GRM5: variants seen among roughly 807,000 people sequenced by gnomAD.
The protein encoded by GRM5 is metabotropic glutamate receptor 5.
Under a neutral mutation model 83.1 loss-of-function variants are expected in GRM5, and 19 were observed. The ratio of observed to expected loss-of-function variants is 0.23; its 90% CI spans 0.16 to 0.34. The LOEUF (loss-of-function observed/expected upper bound fraction) is 0.34. Among genes scored for constraint, GRM5 ranks in the 10% least tolerant of loss-of-function variants. GRM5 has a pLI of 1.00. For missense variants in GRM5, 1,160 were observed against 1,588.3 expected (o/e 0.73, Z 4.58); for synonymous variants, 675 against 633.6 (o/e 1.07, Z -0.98).
At chr11:88,517,284 G>A (rs1460697788) in intron 9 of GRM5, among the ~76,000 whole-genome samples, 1 of 152,008 alleles carries the variant, frequency 6.6e-6, no homozygotes, top group Non-Finnish European at 1.5e-5. Context: ...AAGAACTTGT[G>A]TGCATAAAAG....
chr11:88,801,370 T>C (rs1392939336), intron 3 of GRM5, among the ~76,000 whole-genome samples: 1 of 152,182 alleles, frequency 6.6e-6, no homozygotes, highest in Non-Finnish European at 1.5e-5. Flanking sequence ...AAAAGTAATG[T>C]AATTACTTTT....
chr11:88,526,337 T>G (rs915268817), intron 8 of GRM5, among the ~76,000 whole-genome samples: 1 of 152,196 alleles, frequency 6.6e-6, no homozygotes, highest in African/African-American at 2.4e-5. Context: ...CCTCTTTTAC[T>G]CATTGGTTCG....
intron 3 of GRM5, among the ~76,000 whole-genome samples, chr11:88,772,598 C>T (rs1253101694): frequency 6.6e-6 from 1 of 152,030 alleles, no homozygotes; most frequent in Non-Finnish European, 1.5e-5. Flanking sequence ...ATTTCTCCCC[C>T]AGCCCCCCAT....
At chr11:88,812,365 A>C (rs1230671567) in intron 3 of GRM5, among the ~76,000 whole-genome samples, 1 of 152,158 alleles carries the variant, frequency 6.6e-6, no homozygotes, top group African/African-American at 2.4e-5. Flanking sequence ...TAAGAATCTT[A>C]GAATTATAGA....
rs1499038 is a variant in GRM5 at position 88,663,289 on chromosome 11, C to T, written c.912-9886G>A. Among the ~76,000 whole-genome samples, 1,566 of 152,214 alleles carry T rather than the reference C, an allele frequency of 0.01. 47 individuals carry two copies. The East Asian group carries it at 0.12, about 11-fold the overall frequency. ...TGTCTTGATTTTGGTCCTAGGATGG[C>T]AGGCATTATCTCCTCTGGTTTAATG... On this transcript the variant is annotated intron_variant, in intron 3 of 9. Transcript: ENST00000305447.
At chr11:88,968,664 A>C in intron 2 of GRM5, among the ~76,000 whole-genome samples, 1 of 152,140 alleles carries the variant, frequency 6.6e-6, no homozygotes, top group East Asian at 1.9e-4. Flanking sequence ...AGACAGAGTA[A>C]GTCCCTGTCT....
In GRM5 at chr11:88,667,535, T is replaced by C. The variant is rs75088027; in HGVS notation, c.912-14132A>G. ...TGAGAAAAAGAAGCACATTAAACCC[T>C]CCAAAACTAGAGGTCATAGAAAAAT... On this transcript the variant is annotated intron_variant, in intron 3 of 9. Coordinates refer to ENST00000305447, the MANE Select transcript of GRM5 (RefSeq NM_001143831.3). Among the ~76,000 whole-genome samples the C allele has an allele frequency of 1.4e-3, 212 of 152,140 alleles. 5 individuals carry two copies. In the East Asian group the frequency reaches 0.033, roughly 24 times the overall value.
intron 4 of GRM5, among the ~76,000 whole-genome samples, chr11:88,621,344 G>T (rs1185127421): frequency 6.6e-6 from 1 of 152,102 alleles, no homozygotes; most frequent in Non-Finnish European, 1.5e-5. Context: ...TGTCCAATTA[G>T]CTTCTTATCA....
intron 3 of GRM5, among the ~76,000 whole-genome samples, chr11:88,717,315 G>A (rs527978648): frequency 6.6e-6 from 1 of 151,782 alleles, no homozygotes; most frequent in Non-Finnish European, 1.5e-5. Flanking sequence ...TTTTATTATA[G>A]ATAAATGACA....
intron 2 of GRM5, among the ~76,000 whole-genome samples, chr11:88,925,297 T>C (rs1945767972): frequency 1.3e-5 from 2 of 150,342 alleles, no homozygotes; most frequent in African/African-American, 4.9e-5. Context: ...GAGGAAAAGA[T>C]CAGAGATACT....
chr11:88,850,049 G>C lies in GRM5; in HGVS notation c.768C>G (p.Ser256Arg). The C allele has an allele frequency of 6.3e-7, 1 of 1,593,592 alleles. No individual in the cohort carries two copies. Among genetic ancestry groups the C allele is most frequent in the Non-Finnish European group, 8.6e-7 (1 of 1,161,378 alleles). Residue 256 changes from serine to arginine, a missense_variant, in exon 3 of 10, where the codon AGC becomes AGG. Transcript: ENST00000305447. ...TGAGCTTCTTCAGCAGCTTATCAAAGCTCTGCTCCCCTGCATTACTGTAGA... is the reference window on the plus strand; with the variant it reads ...TGAGCTTCTTCAGCAGCTTATCAAACCTCTGCTCCCCTGCATTACTGTAGA... The part of the protein sequence containing the change: ...YKIYSNAGEQ[S>R]FDKLLKKLTS...
chr11:88,676,068 A>T (rs374206814), intron 3 of GRM5, among the ~76,000 whole-genome samples: 1 of 152,068 alleles, frequency 6.6e-6, no homozygotes, highest in African/African-American at 2.4e-5. Flanking sequence ...AAGGGGGATC[A>T]TTAGGAAAGT....
At chr11:88,885,767 C>T (rs1448292762) in intron 2 of GRM5, among the ~76,000 whole-genome samples, 2 of 151,966 alleles carry the variant, frequency 1.3e-5, no homozygotes, top group Non-Finnish European at 2.9e-5. Flanking sequence ...CACTTTTTAC[C>T]TCATGAAAAG....
chr11:88,884,179 C>T (rs1945005502), intron 2 of GRM5, among the ~76,000 whole-genome samples: 1 of 152,202 alleles, frequency 6.6e-6, no homozygotes, highest in Admixed American at 6.5e-5. Flanking sequence ...GAGCCCTACA[C>T]TGCAAAGTCA....
At chr11:88,886,993 C>T (rs1340587527) in intron 2 of GRM5, among the ~76,000 whole-genome samples, 1 of 152,120 alleles carries the variant, frequency 6.6e-6, no homozygotes, top group Non-Finnish European at 1.5e-5. Context: ...CCAACAGCCC[C>T]ACCTAGTGGA....
At chr11:88,688,543 C>A (rs1359315953) in intron 3 of GRM5, among the ~76,000 whole-genome samples, 1 of 152,046 alleles carries the variant, frequency 6.6e-6, no homozygotes, top group Non-Finnish European at 1.5e-5. Flanking sequence ...GGCCTATTTG[C>A]TTTCTTAATT....
chr11:88,647,548 C>A (rs1489156078), intron 4 of GRM5, among the ~76,000 whole-genome samples: 2 of 152,084 alleles, frequency 1.3e-5, no homozygotes, highest in African/African-American at 4.8e-5. Flanking sequence ...ACCATAAAAA[C>A]CCTAGAAGAA....
At chr11:89,011,516 C>T (rs1464632730) in intron 2 of GRM5, among the ~76,000 whole-genome samples, 1 of 152,148 alleles carries the variant, frequency 6.6e-6, no homozygotes, top group African/African-American at 2.4e-5. Context: ...TTCAGCTTGT[C>T]CACAAGTAAG....
In GRM5 at chr11:88,524,612, G is replaced by A. The variant is rs572991982; in HGVS notation, c.2726+697C>T. On this transcript the variant is annotated intron_variant, in intron 9 of 9. Coordinates refer to ENST00000305447, the MANE Select transcript of GRM5 (RefSeq NM_001143831.3). Reference sequence around the variant, plus strand: ...TAATGCTTATACTTCCAAATACTCCGGTTTACTAGGTACAACTCAATCAGG... The same window carrying A: ...TAATGCTTATACTTCCAAATACTCCAGTTTACTAGGTACAACTCAATCAGG... Among the ~76,000 whole-genome samples, 19 of 152,288 alleles carry A rather than the reference G, an allele frequency of 1.2e-4. 1 individual carries two copies. The highest frequency in any genetic ancestry group is 4.1e-4 in the African/African-American group (17 of 41,560).
Sources: gnomAD v4.1 joint callset for allele counts (sites outside exome capture counted in the v4.1 genomes callset) on GRCh38, gnomAD v4.1.1 for gene constraint, MANE v1.5 for transcripts, NCBI Gene and HGNC (gene_info 2026-07-23, HGNC 2026-07-21) for gene names.